The following CNTN4 variants were observed in gnomAD, a reference collection of about 807,000 sequenced individuals.
CNTN4 encodes the protein contactin-4.
Under a neutral mutation model 122.5 loss-of-function variants are expected in CNTN4, and 77 were observed. The ratio of observed to expected loss-of-function variants is 0.63; its 90% CI spans 0.52 to 0.76. CNTN4 has a LOEUF of 0.76. Ranked by LOEUF, CNTN4 falls within the 30% of genes least tolerant of loss-of-function variation. The pLI is 0.00. For missense variants in CNTN4, 1,256 were observed against 1,259.1 expected, an observed-to-expected ratio of 1.00 and a Z score of 0.04; for synonymous variants, 512 against 447.0, an observed-to-expected ratio of 1.15 and a Z score of -1.83.
intron 13 of CNTN4, among the ~76,000 whole-genome samples, chr3:2,947,205 T>C (rs568811359): frequency 1.5e-4 from 23 of 152,218 alleles, no homozygotes; most frequent in Non-Finnish European, 2.8e-4. Flanking sequence ...CGTCTGTTTC[T>C]CTATCAAAGA....
intron 3 of CNTN4, among the ~76,000 whole-genome samples, chr3:2,491,918 T>G (rs549914523): frequency 8.3e-4 from 126 of 152,338 alleles, no homozygotes; most frequent in Non-Finnish European, 1.4e-3. Context: ...AAGTTTTTAC[T>G]TTGTTTCATA....
intron 4 of CNTN4, among the ~76,000 whole-genome samples, chr3:2,717,980 T>C (rs1052166394): frequency 1.3e-5 from 2 of 152,216 alleles, no homozygotes; most frequent in African/African-American, 4.8e-5. Flanking sequence ...GAAGTGTTTA[T>C]TCAAGTCCTT....
At chr3:2,231,097 T>C (rs2039468197) in intron 2 of CNTN4, among the ~76,000 whole-genome samples, 1 of 152,228 alleles carries the variant, frequency 6.6e-6, no homozygotes, top group Non-Finnish European at 1.5e-5. Context: ...TTTACTTTAA[T>C]AAATCATTTT....
chr3:2,629,593 A>G (rs913083210), intron 4 of CNTN4: 1 of 448,474 alleles, frequency 2.2e-6, no homozygotes, highest in Non-Finnish European at 4.5e-6. Context: ...AGTTGACTTT[A>G]TAAGAAAATA....
intron 4 of CNTN4, among the ~76,000 whole-genome samples, chr3:2,658,910 C>A (rs1446582441): frequency 6.6e-6 from 1 of 151,070 alleles, no homozygotes; most frequent in South Asian, 2.1e-4. Flanking sequence ...AGAATAAATA[C>A]CTACTTGCAT....
intron 2 of CNTN4, among the ~76,000 whole-genome samples, chr3:2,263,325 A>G (rs2040914087): frequency 1.3e-5 from 2 of 152,124 alleles, no homozygotes; most frequent in African/African-American, 4.8e-5. Context: ...TTCATTGAAA[A>G]TGTACATGGA....
At chr3:2,573,959 G>A (rs1179286864) in intron 4 of CNTN4, among the ~76,000 whole-genome samples, 1 of 152,192 alleles carries the variant, frequency 6.6e-6, no homozygotes, top group Admixed American at 6.5e-5. Context: ...TCTCATGCCT[G>A]TAACCCCAAC....
intron 3 of CNTN4, among the ~76,000 whole-genome samples, chr3:2,389,134 C>T (rs1167461614): frequency 6.6e-6 from 1 of 151,912 alleles, no homozygotes; most frequent in Non-Finnish European, 1.5e-5. Flanking sequence ...GCACTCCAGC[C>T]TGGGCGACAG....
At chr3:2,650,061 A>T (rs1198904203) in intron 4 of CNTN4, among the ~76,000 whole-genome samples, 3 of 145,032 alleles carry the variant, frequency 2.1e-5, no homozygotes, top group Non-Finnish European at 3.0e-5. Context: ...TATGTATAAA[A>T]TATGTATTTT....
intron 2 of CNTN4, among the ~76,000 whole-genome samples, chr3:2,291,820 G>A (rs933917323): frequency 2.6e-5 from 4 of 151,960 alleles, no homozygotes; most frequent in East Asian, 1.9e-4. Context: ...TGCAACCTCC[G>A]CCTCCCAGGT....
At chr3:2,597,086 A>T (rs2149707548) in intron 4 of CNTN4, among the ~76,000 whole-genome samples, 1 of 152,254 alleles carries the variant, frequency 6.6e-6, no homozygotes, top group Admixed American at 6.6e-5. Context: ...TTGTAAGACC[A>T]GGTCACCCAA....
intron 14 of CNTN4, among the ~76,000 whole-genome samples, chr3:3,012,470 GAC>G (rs1456341618): frequency 6.6e-6 from 1 of 151,842 alleles, no homozygotes; most frequent in African/African-American, 2.4e-5. Flanking sequence ...TTGTTTTTGA[GAC>G]ACAGTCTCAC....
intron 4 of CNTN4, among the ~76,000 whole-genome samples, chr3:2,614,698 G>T (rs1042454999): frequency 1.3e-5 from 2 of 152,080 alleles, no homozygotes; most frequent in African/African-American, 4.8e-5. Context: ...TGAGGAGAGA[G>T]AGCAGGCAGA....
intron 2 of CNTN4, among the ~76,000 whole-genome samples, chr3:2,214,262 C>G (rs1409579257): frequency 6.6e-6 from 1 of 152,080 alleles, no homozygotes; most frequent in East Asian, 1.9e-4. Flanking sequence ...AAGTCTGAAG[C>G]CTGCATATTT....
intron 13 of CNTN4, among the ~76,000 whole-genome samples, chr3:2,976,368 G>A (rs1406749017): frequency 2.6e-5 from 4 of 152,082 alleles, no homozygotes; most frequent in Non-Finnish European, 5.9e-5. Context: ...GGGCAATAGG[G>A]TCTGAACGCA....
chr3:2,693,745 A>G (rs150401836), intron 4 of CNTN4, among the ~76,000 whole-genome samples: 311 of 152,308 alleles, frequency 2.0e-3, no homozygotes, highest in African/African-American at 7.1e-3. Context: ...GAATTTATGA[A>G]TCAGAGCACA....
At chr3:2,367,612 C>T (rs1480964682) in intron 3 of CNTN4, among the ~76,000 whole-genome samples, 1 of 152,064 alleles carries the variant, frequency 6.6e-6, no homozygotes, top group Admixed American at 6.6e-5. Context: ...GCAACCTCCT[C>T]CTCCTGGATT....
At chr3:2,899,979 C>T (rs2094155595) in intron 10 of CNTN4, among the ~76,000 whole-genome samples, 1 of 152,082 alleles carries the variant, frequency 6.6e-6, no homozygotes, top group East Asian at 1.9e-4. Flanking sequence ...AAAGGAGGCC[C>T]CAAAATAAAG....
At chr3:2,959,679 C>CA (rs5846230) in intron 13 of CNTN4, among the ~76,000 whole-genome samples, 47,507 of 147,434 alleles carry the variant, frequency 0.32, 7,717 homozygotes, top group East Asian at 0.53. Context: ...ACTGATTTTT[C>CA]AAAAAAAAAA....
Sources: gnomAD v4.1 joint callset for allele counts (sites outside exome capture counted in the v4.1 genomes callset) on GRCh38, gnomAD v4.1.1 for gene constraint, MANE v1.5 for transcripts, NCBI Gene and HGNC (gene_info 2026-07-23, HGNC 2026-07-21) for gene names.